Variants in RIMS2 observed in about 807,000 individuals in gnomAD.
RIMS2 encodes the protein regulating synaptic membrane exocytosis 2, also known as regulating synaptic membrane exocytosis protein 2.
RIMS2 carries 59 observed loss-of-function variants against 174.4 expected under a neutral mutation model. The ratio of observed to expected loss-of-function variants is 0.34; its 90% CI spans 0.27 to 0.42. The LOEUF is 0.42. Ranked by LOEUF, RIMS2 falls within the 10% of genes least tolerant of loss-of-function variation. The pLI is 1.00. For synonymous variants in RIMS2, 606 were observed against 572.5 expected (o/e 1.06, Z -0.84); for missense variants, 1,620 against 1,666.3 (o/e 0.97, Z 0.48).
intron 19 of RIMS2, among the ~76,000 whole-genome samples, chr8:104,043,969 T>C (rs1161715911): frequency 6.6e-6 from 1 of 151,592 alleles, no homozygotes; most frequent in Non-Finnish European, 1.5e-5. Flanking sequence ...ATTAGAAAAG[T>C]AAACATGTGG....
chr8:103,894,624 G>A (rs1217391740), intron 4 of RIMS2, among the ~76,000 whole-genome samples: 1 of 151,600 alleles, frequency 6.6e-6, no homozygotes, highest in African/African-American at 2.4e-5. Context: ...ATCAGTGGTA[G>A]CAGATGAAAT....
intron 1 of RIMS2, among the ~76,000 whole-genome samples, chr8:103,696,807 G>A (rs2097106572): frequency 1.5e-5 from 2 of 134,640 alleles, no homozygotes; most frequent in South Asian, 2.3e-4. Flanking sequence ...AGGTTGCAGC[G>A]AGCCAAGATC....
At chr8:104,003,950 T>C (rs1416224840) in intron 17 of RIMS2, among the ~76,000 whole-genome samples, 1 of 152,126 alleles carries the variant, frequency 6.6e-6, no homozygotes, top group Non-Finnish European at 1.5e-5. Context: ...AAATCAGCAA[T>C]ACTTGATAAA....
At chr8:104,248,988 G>T (rs989366091) in intron 21 of RIMS2, among the ~76,000 whole-genome samples, 175 bp downstream of exon 27, 5 of 147,406 alleles carry the variant, frequency 3.4e-5, no homozygotes, top group Non-Finnish European at 7.4e-5. Context: ...AAGTGCAGTG[G>T]CATGATTATG....
intron 19 of RIMS2, among the ~76,000 whole-genome samples, chr8:104,050,444 C>A (rs1245456262): frequency 1.3e-5 from 2 of 152,002 alleles, no homozygotes; most frequent in African/African-American, 4.8e-5. Flanking sequence ...ATGGAATAAT[C>A]CAGGAAGTCT....
chr8:103,753,431 A>G (rs1457880465), intron 2 of RIMS2, among the ~76,000 whole-genome samples: 2 of 152,208 alleles, frequency 1.3e-5, no homozygotes, highest in Non-Finnish European at 2.9e-5. Flanking sequence ...CTTTGGTATC[A>G]GGATGATGCT....
At chr8:104,071,393 A>G (rs1300241376) in intron 19 of RIMS2, among the ~76,000 whole-genome samples, 2 of 152,172 alleles carry the variant, frequency 1.3e-5, no homozygotes, top group Non-Finnish European at 2.9e-5. Flanking sequence ...GGGCCCCTTC[A>G]GACCAATGGA....
chr8:103,932,658 A>G (rs752728453), intron 12 of RIMS2, among the ~76,000 whole-genome samples: 2 of 152,194 alleles, frequency 1.3e-5, no homozygotes, highest in Non-Finnish European at 2.9e-5. Flanking sequence ...ACATATTTTT[A>G]AGACGATTAA....
At chr8:104,125,442 G>C (rs1398202727) in intron 19 of RIMS2, among the ~76,000 whole-genome samples, 1 of 152,048 alleles carries the variant, frequency 6.6e-6, no homozygotes, top group African/African-American at 2.4e-5. Flanking sequence ...GTTTAAATTA[G>C]TGCATGTACC....
At chr8:103,737,529 C>A (rs2097702188) in intron 2 of RIMS2, among the ~76,000 whole-genome samples, 1 of 149,022 alleles carries the variant, frequency 6.7e-6, no homozygotes, top group Admixed American at 7.9e-5. Context: ...TTTCCTCCAA[C>A]CTTTCATACG....
chr8:103,772,352 G>A (rs2098263360), intron 3 of RIMS2, among the ~76,000 whole-genome samples: 1 of 151,602 alleles, frequency 6.6e-6, no homozygotes. Context: ...TAGTAGCAAG[G>A]AAAAACTTAT....
rs1002976180 is a variant in RIMS2 at position 103,751,470 on chromosome 8, G to T, written c.388-14757G>T. 8.2e-4 allele frequency among the ~76,000 whole-genome samples: 124 copies of T among 151,862 alleles called. 3 individuals are homozygous for T. The highest frequency in any genetic ancestry group is 2.8e-3 in the African/African-American group (117 of 41,358). On this transcript the variant is annotated intron_variant, in intron 2 of 23. Coordinates refer to ENST00000504942, the Ensembl canonical transcript of RIMS2. ...CCTTTGGGTATATACCCAGTAATGGGATGTCTGGGTCAAATGGTATTTCTA... is the reference window on the plus strand; with the variant it reads ...CCTTTGGGTATATACCCAGTAATGGTATGTCTGGGTCAAATGGTATTTCTA...
At chr8:104,239,557 G>A (rs1017026498) in intron 19 of RIMS2, among the ~76,000 whole-genome samples, 2 of 152,000 alleles carry the variant, frequency 1.3e-5, no homozygotes, top group African/African-American at 4.8e-5. Context: ...GTATGCATGT[G>A]TATGTTTATA....
intron 19 of RIMS2, among the ~76,000 whole-genome samples, chr8:104,038,641 A>G (rs2096558487): frequency 6.6e-6 from 1 of 151,948 alleles, no homozygotes; most frequent in Non-Finnish European, 1.5e-5. Context: ...TCTGCTATTC[A>G]TTATAATACT....
chr8:104,148,166 A>C (rs1242254549), intron 19 of RIMS2, among the ~76,000 whole-genome samples: 1 of 146,938 alleles, frequency 6.8e-6, no homozygotes, highest in African/African-American at 2.5e-5. Flanking sequence ...TTATATTATC[A>C]GCCTTTTTTT....
chr8:103,829,990 T>C (rs1290535693), intron 3 of RIMS2, among the ~76,000 whole-genome samples: 1 of 152,228 alleles, frequency 6.6e-6, no homozygotes, highest in Non-Finnish European at 1.5e-5. Flanking sequence ...GTTATGTTTT[T>C]CAGTAAATTT....
At chr8:103,697,211 C>T in exon 2 of RIMS2, 1 of 1,613,748 alleles carries the variant, frequency 6.2e-7, no homozygotes, top group South Asian at 1.1e-5. Context: ...ACAAAGTTTG[C>T]TGATGGATGT....
At chr8:103,673,246 C>G (rs1356518863) in intron 1 of RIMS2, among the ~76,000 whole-genome samples, 1 of 152,134 alleles carries the variant, frequency 6.6e-6, no homozygotes, top group South Asian at 2.1e-4. Context: ...ATTCAAGCTC[C>G]CACTGGATCT....
intron 3 of RIMS2, among the ~76,000 whole-genome samples, chr8:103,804,882 T>C (rs924180228): frequency 1.3e-5 from 2 of 151,974 alleles, no homozygotes; most frequent in South Asian, 2.1e-4. Context: ...CTGCAACCCC[T>C]AGCCCCTGAG....
Sources: gnomAD v4.1 joint callset for allele counts (sites outside exome capture counted in the v4.1 genomes callset) on GRCh38, gnomAD v4.1.1 for gene constraint, MANE v1.5 for transcripts, NCBI Gene and HGNC (gene_info 2026-07-23, HGNC 2026-07-21) for gene names.